The following GRIK3 variants were observed in gnomAD, a reference collection of about 807,000 sequenced individuals.
GRIK3 encodes glutamate receptor ionotropic, kainate 3.
GRIK3 carries 29 observed loss-of-function variants against 102.5 expected under a neutral mutation model. That is an observed-to-expected ratio of 0.28 (90% CI 0.21 to 0.39). GRIK3 has a LOEUF of 0.39. Among genes scored for constraint, GRIK3 ranks in the 10% least tolerant of loss-of-function variants. The pLI, the probability that GRIK3 is intolerant of heterozygous loss-of-function variation, is 1.00. For synonymous variants in GRIK3, 511 were observed against 504.9 expected, an observed-to-expected ratio of 1.01 and a Z score of -0.16; for missense variants, 908 against 1,252.4, an observed-to-expected ratio of 0.73 and a Z score of 4.15.
intron 1 of GRIK3, among the ~76,000 whole-genome samples, chr1:36,970,674 C>T (rs996905790): frequency 1.3e-5 from 2 of 152,178 alleles, no homozygotes; most frequent in African/African-American, 4.8e-5. Context: ...CCCAACACTT[C>T]TCTAGGGTTC....
intron 13 of GRIK3, among the ~76,000 whole-genome samples, chr1:36,816,719 C>A (rs1203849489): frequency 6.6e-6 from 1 of 152,176 alleles, no homozygotes; most frequent in Non-Finnish European, 1.5e-5. Flanking sequence ...CGGGAAGCCC[C>A]TAGGGCCTGT....
At chr1:36,856,789 C>A (rs1640657638) in intron 7 of GRIK3, among the ~76,000 whole-genome samples, 1 of 152,166 alleles carries the variant, frequency 6.6e-6, no homozygotes, top group Non-Finnish European at 1.5e-5. Context: ...AATCTGCTCC[C>A]CTCAGGGACT....
chr1:36,825,536 A>T, intron 11 of GRIK3, 67 bp downstream of exon 11: 1 of 1,049,196 alleles, frequency 9.5e-7, no homozygotes, highest in South Asian at 1.7e-5. Context: ...GGCTGAGGAG[A>T]TGAGGACCTG....
chr1:36,820,838 C>T (rs1313457685), intron 11 of GRIK3, among the ~76,000 whole-genome samples: 1 of 152,114 alleles, frequency 6.6e-6, no homozygotes, highest in Non-Finnish European at 1.5e-5. Context: ...TACTTAAAGC[C>T]ACCTACTGCC....
At chr1:36,997,922 C>T (rs1234808536) in intron 1 of GRIK3, among the ~76,000 whole-genome samples, 2 of 152,212 alleles carry the variant, frequency 1.3e-5, no homozygotes, top group African/African-American at 4.8e-5. Context: ...GGCCCATTTT[C>T]CTGGCCATCT....
At chr1:37,028,216 A>T (rs1478947467) in intron 1 of GRIK3, among the ~76,000 whole-genome samples, 2 of 152,094 alleles carry the variant, frequency 1.3e-5, no homozygotes, top group Admixed American at 6.5e-5. Flanking sequence ...GGAGACACAG[A>T]CACGAGGCCC....
intron 1 of GRIK3, among the ~76,000 whole-genome samples, chr1:36,948,933 T>C (rs77842610): frequency 0.016 from 2,476 of 152,224 alleles, 63 homozygotes; most frequent in African/African-American, 0.055. Flanking sequence ...TAGAAGACGC[T>C]CAGGGACCAG....
intron 1 of GRIK3, among the ~76,000 whole-genome samples, chr1:36,949,849 G>A (rs1165110316): frequency 6.6e-6 from 1 of 152,080 alleles, no homozygotes; most frequent in Non-Finnish European, 1.5e-5. Flanking sequence ...AAAGTGCTGG[G>A]ACTACAGGCA....
intron 1 of GRIK3, among the ~76,000 whole-genome samples, chr1:36,943,812 C>A (rs1641753279): frequency 6.6e-6 from 1 of 152,238 alleles, no homozygotes; most frequent in Admixed American, 6.5e-5. Flanking sequence ...TCCCAGCTTA[C>A]TCTCTAGGGA....
At chr1:37,018,438 C>A (rs760902319) in intron 1 of GRIK3, among the ~76,000 whole-genome samples, 49 of 152,154 alleles carry the variant, frequency 3.2e-4, no homozygotes, top group African/African-American at 1.1e-3. Flanking sequence ...ACACCGCAAC[C>A]CTTAGAGATT....
At chr1:37,009,179 A>G (rs1256037824) in intron 1 of GRIK3, among the ~76,000 whole-genome samples, 3 of 152,264 alleles carry the variant, frequency 2.0e-5, no homozygotes, top group Non-Finnish European at 2.9e-5. Flanking sequence ...GTGAGCACTC[A>G]GGAAATGTTA....
intron 14 of GRIK3, 124 bp downstream of exon 14, chr1:36,805,980 A>G: frequency 1.8e-6 from 1 of 554,298 alleles, no homozygotes; most frequent in South Asian, 2.8e-5. Flanking sequence ...CAGAAAAAAA[A>G]GAGAAAACGT....
intron 1 of GRIK3, among the ~76,000 whole-genome samples, chr1:36,951,699 A>G (rs1641846065): frequency 6.6e-6 from 1 of 152,112 alleles, no homozygotes; most frequent in Non-Finnish European, 1.5e-5. Flanking sequence ...CAGGAAAATA[A>G]TGGGGGAGAA....
At chr1:36,974,201 G>T (rs932242619) in intron 1 of GRIK3, among the ~76,000 whole-genome samples, 2 of 152,112 alleles carry the variant, frequency 1.3e-5, no homozygotes, top group Non-Finnish European at 2.9e-5. Context: ...CCTTATTTTA[G>T]GCTGTGCTTT....
At chr1:37,017,042 C>A (rs1642658626) in intron 1 of GRIK3, among the ~76,000 whole-genome samples, 1 of 151,926 alleles carries the variant, frequency 6.6e-6, no homozygotes, top group African/African-American at 2.4e-5. Context: ...TGGTGAAACT[C>A]TGTCTCTAAT....
Position 36,880,577 on chromosome 1 carries a change from C to T in GRIK3, c.550+57G>A. 1.3e-6 allele frequency: 2 copies of T among 1,551,828 alleles called. No individual in the cohort carries two copies. The highest frequency in any genetic ancestry group is 1.8e-6 in the Non-Finnish European group (2 of 1,127,722). On this transcript the variant is annotated intron_variant, in intron 3 of 15. Coordinates refer to ENST00000373091, the MANE Select transcript of GRIK3 (RefSeq NM_000831.4). The surrounding 1 kb of genome is among the most constrained non-coding windows in gnomAD (Gnocchi z 5.4). Reference sequence around the variant, plus strand: ...TGAACAAACAGACAAGAGCTTGATCCTGGGCCTCTGCCCCCCTCAACCGTT... The same window carrying T: ...TGAACAAACAGACAAGAGCTTGATCTTGGGCCTCTGCCCCCCTCAACCGTT...
chr1:36,972,541 C>T (rs1642155252), intron 1 of GRIK3, among the ~76,000 whole-genome samples: 1 of 152,190 alleles, frequency 6.6e-6, no homozygotes, highest in South Asian at 2.1e-4. Flanking sequence ...CCACAACCTC[C>T]AGGACTTCCC....
intron 1 of GRIK3, among the ~76,000 whole-genome samples, chr1:36,923,308 C>T (rs1641493679): frequency 6.6e-6 from 1 of 152,136 alleles, no homozygotes; most frequent in Admixed American, 6.5e-5. Flanking sequence ...GAGGCAGCAG[C>T]AGGGGGTAGA....
intron 13 of GRIK3, among the ~76,000 whole-genome samples, chr1:36,812,220 C>A (rs189885808): frequency 7.2e-5 from 11 of 152,048 alleles, no homozygotes; most frequent in Non-Finnish European, 1.6e-4. Flanking sequence ...TGACAGCATG[C>A]CCAGGTCAGA....
Sources: allele counts gnomAD v4.1 joint callset (sites outside exome capture counted in the v4.1 genomes callset), GRCh38; gene constraint gnomAD v4.1.1; non-coding constraint Gnocchi (gnomAD v3.1); transcripts MANE v1.5; gene names NCBI Gene and HGNC (gene_info 2026-07-23, HGNC 2026-07-21).